STAM2: variants seen among roughly 807,000 people sequenced by gnomAD.
STAM2 encodes the protein signal transducing adapter molecule 2.
A neutral mutation model predicts 65.6 loss-of-function variants in STAM2; 51 were observed. The ratio of observed to expected loss-of-function variants is 0.78; its 90% CI spans 0.62 to 0.98. The LOEUF is 0.98. STAM2 is among the 50% of genes least tolerant of loss of function. The probability of loss-of-function intolerance (pLI) is 0.00; values close to 1 mark genes in which losing one functional copy is unlikely to be tolerated. For missense variants in STAM2, 584 were observed against 617.8 expected, an observed-to-expected ratio of 0.95 and a Z score of 0.58; for synonymous variants, 198 against 208.4, an observed-to-expected ratio of 0.95 and a Z score of 0.43.
At chr2:152,144,666 G>A (rs1689306850) in intron 6 of STAM2, 4 of 399,682 alleles carry the variant, frequency 1.0e-5, no homozygotes, top group Non-Finnish European at 1.4e-5. Context: ...AGCCTCCCGA[G>A]TAGTTGGGAC....
Position 152,175,629 on chromosome 2 carries a change from G to C in STAM2, c.14C>G (p.Thr5Ser). Residue 5 changes from threonine (T) to serine (S), a missense_variant, in exon 1 of 14, where the codon ACC becomes AGC. Coordinates refer to ENST00000263904, the MANE Select transcript of STAM2 (RefSeq NM_005843.6). MPLF[T>S]ANPFEQDVEK... ...CACGTCTTGCTCGAAGGGGTTGGCG[G>C]TGAACAAAGGCATCTCGCCGGCGCC... The C allele has an allele frequency of 1.2e-6, 2 of 1,613,802 alleles. No homozygotes were observed. The highest frequency in any genetic ancestry group is 1.7e-6 in the Non-Finnish European group (2 of 1,179,890).
intron 7 of STAM2, among the ~76,000 whole-genome samples, chr2:152,136,153 A>C (rs1008857769): frequency 6.6e-6 from 1 of 151,950 alleles, no homozygotes; most frequent in Admixed American, 6.6e-5. Flanking sequence ...TGGACTTTAA[A>C]AAAGTAAGGC....
intron 1 of STAM2, among the ~76,000 whole-genome samples, chr2:152,175,074 A>G (rs527264008): frequency 6.6e-6 from 1 of 152,190 alleles, no homozygotes; most frequent in African/African-American, 2.4e-5. Flanking sequence ...TTACAATTGT[A>G]ATAAATCTTA....
chr2:152,158,299 GC>G (rs893249212), intron 1 of STAM2, among the ~76,000 whole-genome samples: 2 of 151,998 alleles, frequency 1.3e-5, no homozygotes, highest in Non-Finnish European at 2.9e-5. Context: ...ACATGGTGAA[GC>G]CCCGTTTCCA....
In STAM2 at chr2:152,120,392, A is replaced by T. The variant is rs1277616918; in HGVS notation, c.*182T>A. On this transcript the variant is annotated 3_prime_UTR_variant, in exon 14 of 14. Coordinates refer to ENST00000263904, the MANE Select transcript of STAM2 (RefSeq NM_005843.6). ...AAAAGATTGACTTCAAACAAACTGGACTGAAAAAAAAAAAAAAAAAAAACC... is the reference window on the plus strand; with the variant it reads ...AAAAGATTGACTTCAAACAAACTGGTCTGAAAAAAAAAAAAAAAAAAAACC... The T allele has an allele frequency of 1.3e-4, 71 of 562,888 alleles. 1 individual carries two copies. In the East Asian group the frequency reaches 2.1e-3, roughly 16 times the overall value. The allele number at this position is 562,888 out of a possible 1,614,324, so 34.9% of individuals were successfully genotyped here. A position where few individuals can be genotyped will look rare whatever the true frequency, so the allele number is the denominator to read the frequency against.
chr2:152,161,497 A>T (rs1288118246), intron 1 of STAM2, among the ~76,000 whole-genome samples: 3 of 123,174 alleles, frequency 2.4e-5, no homozygotes, highest in African/African-American at 1.4e-4. Flanking sequence ...TGATCAATAA[A>T]AAAAAAAAAA....
At chr2:152,156,795 T>C (rs564996428) in intron 1 of STAM2, among the ~76,000 whole-genome samples, 3 of 152,250 alleles carry the variant, frequency 2.0e-5, no homozygotes, top group Non-Finnish European at 4.4e-5. Flanking sequence ...ATAAACAACT[T>C]AACTACATAA....
At position 152,120,702 on chromosome 2, in the gene STAM2, A is replaced by T. The variant is rs1688835769; in HGVS notation, c.1450T>A (p.Ser484Thr). Residue 484 changes from serine (S) to threonine (T), a missense_variant, in exon 14 of 14, where the codon TCT becomes ACT. Coordinates refer to ENST00000263904, the MANE Select transcript of STAM2 (RefSeq NM_005843.6). Reference sequence around the variant, plus strand: ...TTCTGATAAGATGACATATCCACAGACATCCCCATTTGCTGTGTGTAAGCA... The same window carrying T: ...TTCTGATAAGATGACATATCCACAGTCATCCCCATTTGCTGTGTGTAAGCA... ...TTAYTQQMGM[S>T]VDMSSYQNTT... 7 of 1,614,178 alleles carry T rather than the reference A, an allele frequency of 4.3e-6. No individual in the cohort carries two copies. The highest frequency in any genetic ancestry group is 5.9e-6 in the Non-Finnish European group (7 of 1,180,014).
At chr2:152,154,017 T>C (rs1338532979) in intron 1 of STAM2, among the ~76,000 whole-genome samples, 1 of 152,158 alleles carries the variant, frequency 6.6e-6, no homozygotes, top group Non-Finnish European at 1.5e-5. Flanking sequence ...GGTTAAGCTA[T>C]GAACAAGACG....
intron 1 of STAM2, among the ~76,000 whole-genome samples, chr2:152,154,857 C>A (rs549571469): frequency 3.3e-5 from 5 of 152,280 alleles, no homozygotes; most frequent in African/African-American, 1.2e-4. Context: ...AGAGTGGCCA[C>A]AAAGTCCCAA....
intron 1 of STAM2, among the ~76,000 whole-genome samples, chr2:152,151,196 TC>T (rs1213321477): frequency 6.7e-6 from 1 of 149,006 alleles, no homozygotes; most frequent in African/African-American, 2.5e-5. Flanking sequence ...TTTTTTTTTT[TC>T]GACAGTGTCT....
chr2:152,146,507 C>A (rs1161159792), intron 5 of STAM2, among the ~76,000 whole-genome samples: 1 of 152,056 alleles, frequency 6.6e-6, no homozygotes, highest in East Asian at 1.9e-4. Flanking sequence ...TAAAGCTATC[C>A]CTTCTCCCAG....
intron 7 of STAM2, among the ~76,000 whole-genome samples, chr2:152,136,429 ACT>A (rs1036059874): frequency 1.2e-4 from 18 of 151,630 alleles, no homozygotes; most frequent in African/African-American, 3.9e-4. Flanking sequence ...GAGGATAGAG[ACT>A]CTGTCTCAAA....
intron 1 of STAM2, among the ~76,000 whole-genome samples, chr2:152,170,743 C>G (rs1355282116): frequency 6.6e-6 from 1 of 152,216 alleles, no homozygotes; most frequent in African/African-American, 2.4e-5. Context: ...CGCCTGTAAT[C>G]CCAGCACTTT....
At chr2:152,134,969 G>C (rs1689128198) in intron 8 of STAM2, among the ~76,000 whole-genome samples, 1 of 152,178 alleles carries the variant, frequency 6.6e-6, no homozygotes. Context: ...ACTGACTAAA[G>C]TTCAGCAGAT....
chr2:152,126,298 T>C lies in STAM2; in HGVS notation c.1107A>G (p.Pro369=), dbSNP rs1688963186. ...GGAGCTTTGAATAGACTGAGTACAC[T>C]GGTGCTTCATTCACCAATTTGTTAT... ...ELYNKLVNEA[P]VYSVYSKLHP... The change falls in exon 12 of 14, where the codon CCA becomes CCG. Residue 369 remains proline (P), a synonymous_variant. Transcript: ENST00000263904. The C allele has an allele frequency of 6.2e-7, 1 of 1,608,830 alleles. No homozygotes were observed. The highest frequency in any genetic ancestry group is 1.3e-5 in the African/African-American group (1 of 74,874).
chr2:152,120,395 GAAAAAAAAAAAA>G lies in STAM2; in HGVS notation c.*167_*178del. 3.5e-6 allele frequency: 1 copy of G among 285,370 alleles called. No individual in the cohort carries two copies. Among genetic ancestry groups the G allele is most frequent in the African/African-American group, 3.8e-5 (1 of 26,442 alleles). 17.7% of individuals were successfully genotyped at this position (285,370 alleles called of 1,614,324 possible). On this transcript the variant is annotated 3_prime_UTR_variant, in exon 14 of 14. Coordinates refer to ENST00000263904, the MANE Select transcript of STAM2 (RefSeq NM_005843.6). ...AGATTGACTTCAAACAAACTGGACTGAAAAAAAAAAAAAAAAAAAACCTTTTATGGCCTTGTA... is the reference window on the plus strand; with the variant it reads ...AGATTGACTTCAAACAAACTGGACTGAAAAAAAACCTTTTATGGCCTTGTA...
At chr2:152,133,332 C>A in intron 9 of STAM2, 70 bp downstream of exon 9, 1 of 1,538,446 alleles carries the variant, frequency 6.5e-7, no homozygotes, top group Non-Finnish European at 8.9e-7. Context: ...TTACTCTTTC[C>A]AAGCATTCTC....
intron 10 of STAM2, among the ~76,000 whole-genome samples, chr2:152,132,663 TAAG>T (rs150981818): frequency 0.23 from 34,816 of 151,914 alleles, 4,059 homozygotes; most frequent in Admixed American, 0.31. Context: ...TATAAAGATT[TAAG>T]AAGAATTATT....
Sources: allele counts gnomAD v4.1 joint callset (sites outside exome capture counted in the v4.1 genomes callset), GRCh38; gene constraint gnomAD v4.1.1; transcripts MANE v1.5; gene names NCBI Gene and HGNC (gene_info 2026-07-23, HGNC 2026-07-21).